The following TXNDC9 variants were observed in gnomAD, a reference collection of about 807,000 sequenced individuals.
TXNDC9 encodes the protein thioredoxin domain containing 9, also known as thioredoxin domain-containing protein 9.
In TXNDC9, 7 loss-of-function variants were observed where a neutral mutation model predicts 23.0. The observed-to-expected ratio is 0.30, with a 90% CI of 0.17 to 0.57. The LOEUF is 0.57. Among genes scored for constraint, TXNDC9 ranks in the 20% least tolerant of loss-of-function variants. The pLI is 0.90. For missense variants in TXNDC9, 198 were observed against 252.6 expected (o/e 0.78, Z 1.47); for synonymous variants, 72 against 90.6 (o/e 0.79, Z 1.17).
chr2:99,309,852 A>C, the TXNDC9 span, among the ~76,000 whole-genome samples: 1 of 151,468 alleles, frequency 6.6e-6, no homozygotes, highest in African/African-American at 2.4e-5. Context: ...CGCCCAGCTA[A>C]TTTTTGTATT....
intron 3 of TXNDC9, among the ~76,000 whole-genome samples, chr2:99,324,581 A>G (rs1346477350): frequency 2.0e-5 from 3 of 150,718 alleles, no homozygotes; most frequent in African/African-American, 7.3e-5. Context: ...TAAGGAACGT[A>G]TTTTTTTTTT....
downstream of TXNDC9, among the ~76,000 whole-genome samples, chr2:99,314,384 CTTTT>C (rs1001492254): frequency 6.6e-6 from 1 of 151,840 alleles, no homozygotes; most frequent in African/African-American, 2.4e-5. Context: ...TAGGTGTAGA[CTTTT>C]TTTGTTGTCA....
intron 2 of TXNDC9, 137 bp from the exon 3 acceptor site, chr2:99,327,790 TG>T (rs2094216140): frequency 8.8e-6 from 5 of 567,204 alleles, no homozygotes; most frequent in South Asian, 5.3e-5. Context: ...TGTTTGTTTT[TG>T]TTTTTTTTTT....
chr2:99,330,290 C>CAAAAAAAAAAAAAAAAAAAAAAAAAA (rs528602849), intron 2 of TXNDC9, among the ~76,000 whole-genome samples: 3 of 28,166 alleles, frequency 1.1e-4, no homozygotes, highest in Admixed American at 6.3e-4. Flanking sequence ...ACTCTTATCT[C>CAAAAAAAAAAAAAAAAAAAAAAAAAA]AAAAAAAAAA....
At chr2:99,326,794 T>C (rs2094213589) in intron 3 of TXNDC9, among the ~76,000 whole-genome samples, 1 of 152,148 alleles carries the variant, frequency 6.6e-6, no homozygotes, top group African/African-American at 2.4e-5. Context: ...CCCACCACAG[T>C]TGCTAGTTCC....
At chr2:99,334,589 T>C (rs1026130348) in intron 1 of TXNDC9, among the ~76,000 whole-genome samples, 2 of 152,198 alleles carry the variant, frequency 1.3e-5, no homozygotes, top group Non-Finnish European at 2.9e-5. Flanking sequence ...CATTTGTGTA[T>C]CTAAACATAG....
Position 99,319,643 on chromosome 2 carries a change from G to T in TXNDC9, c.*39C>A. ...TTTTAAAAACACATTTAAATCTGAA[G>T]CAGAAAAAAAAAGACAATTTACAAA... On this transcript the variant is annotated 3_prime_UTR_variant, in exon 5 of 5. Transcript: ENST00000264255. 1 of 1,419,564 alleles carries T rather than the reference G, an allele frequency of 7.0e-7. No homozygotes were observed. Among genetic ancestry groups the T allele is most frequent in the Non-Finnish European group, 9.7e-7 (1 of 1,026,780 alleles). 87.9% of individuals were successfully genotyped at this position (1,419,564 alleles called of 1,614,324 possible).
At chr2:99,312,136 A>G in the TXNDC9 span, among the ~76,000 whole-genome samples, 1,690 of 152,258 alleles carry the variant, frequency 0.011, 9 homozygotes, top group Middle Eastern at 0.024. Context: ...AGCCCTAGCA[A>G]AGAAATAGCA....
intron 3 of TXNDC9, chr2:99,322,619 G>A: frequency 1.3e-6 from 2 of 1,545,404 alleles, no homozygotes; most frequent in South Asian, 1.2e-5. Context: ...AAACTGAACA[G>A]CATTACCGAG....
At position 99,332,487 on chromosome 2, in the gene TXNDC9, G is replaced by C. The variant is rs1447261261; in HGVS notation, c.189+535C>G. Among the ~76,000 whole-genome samples, 3 of 152,114 alleles carry C rather than the reference G, an allele frequency of 2.0e-5. No individual in the cohort carries two copies. The East Asian group carries it at 5.8e-4, about 29-fold the overall frequency. ...TTCAATTTACAGAATTTAATCCACT[G>C]GTTTCAGTCAGAGTTTACAACTCTG... is the stretch of plus-strand genomic sequence containing the variant. On this transcript the variant is annotated intron_variant, in intron 2 of 4. Transcript: ENST00000264255.
chr2:99,330,865 T>C (rs1211192985), intron 2 of TXNDC9, among the ~76,000 whole-genome samples: 1 of 152,204 alleles, frequency 6.6e-6, no homozygotes, highest in East Asian at 1.9e-4. Flanking sequence ...TTCTTGACTA[T>C]TTCCAGAAAA....
intron 2 of TXNDC9, among the ~76,000 whole-genome samples, chr2:99,329,232 C>T (rs781648286): frequency 1.1e-4 from 16 of 152,218 alleles, no homozygotes; most frequent in Admixed American, 2.6e-4. Context: ...CTCTTTCCCA[C>T]GTGGGCCCTT....
downstream of TXNDC9, among the ~76,000 whole-genome samples, chr2:99,317,002 C>G (rs567291826): frequency 6.6e-6 from 1 of 152,188 alleles, no homozygotes; most frequent in African/African-American, 2.4e-5. Context: ...GTGATCCGCC[C>G]GCCTTGGCCT....
chr2:99,306,947 C>T, the TXNDC9 span, among the ~76,000 whole-genome samples: 7 of 152,108 alleles, frequency 4.6e-5, no homozygotes, highest in Non-Finnish European at 8.8e-5. Context: ...CTGGTCTAGG[C>T]GCTCTGCTTA....
chr2:99,314,166 A>G (rs975608473), downstream of TXNDC9, among the ~76,000 whole-genome samples: 6 of 151,952 alleles, frequency 3.9e-5, no homozygotes, highest in East Asian at 1.2e-3. Flanking sequence ...CTTTTTTTCA[A>G]TTTACCTCCT....
At chr2:99,317,636 A>T (rs1347466052), downstream of TXNDC9, among the ~76,000 whole-genome samples, 2 of 149,834 alleles carry the variant, frequency 1.3e-5, no homozygotes, top group African/African-American at 4.9e-5. Context: ...CTAGCTAACC[A>T]CTCATTTTTT....
At chr2:99,333,571 T>C (rs930239384) in intron 1 of TXNDC9, among the ~76,000 whole-genome samples, 19 of 152,160 alleles carry the variant, frequency 1.2e-4, no homozygotes, top group African/African-American at 4.3e-4. Context: ...TACCTAGTGA[T>C]ATATACTGAC....
intron 3 of TXNDC9, among the ~76,000 whole-genome samples, chr2:99,327,315 ACC>A (rs538871393): frequency 6.6e-6 from 1 of 151,546 alleles, no homozygotes; most frequent in South Asian, 2.1e-4. Flanking sequence ...CAAGTGATCC[ACC>A]CCCCACTTGG....
intron 2 of TXNDC9, among the ~76,000 whole-genome samples, chr2:99,330,725 A>C (rs1251125145): frequency 6.6e-6 from 1 of 152,236 alleles, no homozygotes; most frequent in Non-Finnish European, 1.5e-5. Context: ...AGGTCTATTA[A>C]GTGCCGACTG....
Sources: allele counts gnomAD v4.1 joint callset (sites outside exome capture counted in the v4.1 genomes callset), GRCh38; gene constraint gnomAD v4.1.1; transcripts MANE v1.5; gene names NCBI Gene and HGNC (gene_info 2026-07-23, HGNC 2026-07-21).